The following ADGRF3 variants were observed in gnomAD, a reference collection of about 807,000 sequenced individuals.
The protein encoded by ADGRF3 is G protein-coupled receptor 113.
In ADGRF3, 85 loss-of-function variants were observed where a neutral mutation model predicts 93.2. The observed-to-expected ratio is 0.91, with a 90% CI of 0.77 to 1.09. ADGRF3 has a LOEUF of 1.09. Among genes scored for constraint, ADGRF3 ranks in the 50% least tolerant of loss-of-function variants. The pLI is 0.00. For missense variants in ADGRF3, 1,125 were observed against 1,246.2 expected (o/e 0.90, Z 1.46); for synonymous variants, 534 against 532.5 (o/e 1.00, Z -0.04).
Position 26,318,073 on chromosome 2 carries a change from A to G in ADGRF3, c.115-511T>C, listed in dbSNP as rs943184113. The stretch of plus-strand genomic sequence containing the variant: ...GCCCACATTGTCTGGCCCTTGGGCC[A>G]TCGGCCAAAGCTAGAAGATAGGGGG... On this transcript the variant is annotated intron_variant, in intron 1 of 13. Coordinates refer to ENST00000651242, the MANE Select transcript of ADGRF3 (RefSeq NM_001321971.2). The G allele has an allele frequency of 5.8e-6, 9 of 1,550,996 alleles. No individual in the cohort carries two copies. The highest frequency in any genetic ancestry group is 7.8e-6 in the Non-Finnish European group (9 of 1,146,722).
chr2:26,314,829 CTT>C (rs1171706474), intron 5 of ADGRF3: 1 of 585,816 alleles, frequency 1.7e-6, no homozygotes, highest in East Asian at 2.8e-5. Context: ...AGAGATCTCT[CTT>C]TTATCGGCCC....
chr2:26,315,463 G>A (rs757332994), intron 5 of ADGRF3, 59 bp downstream of exon 5: 9 of 1,505,348 alleles, frequency 6.0e-6, no homozygotes, highest in African/African-American at 1.4e-5. Context: ...GAAGGAAGAC[G>A]AGGATGAAGG....
intron 1 of ADGRF3, among the ~76,000 whole-genome samples, chr2:26,335,528 A>G (rs181393521): frequency 5.4e-4 from 82 of 152,262 alleles, no homozygotes; most frequent in African/African-American, 1.9e-3. Flanking sequence ...TCAGGTAACT[A>G]TATGTTTAAC....
chr2:26,317,399 C>T (rs1220074474), intron 2 of ADGRF3, 97 bp downstream of exon 2: 8 of 1,191,354 alleles, frequency 6.7e-6, no homozygotes, highest in Middle Eastern at 2.2e-4. Context: ...ACCACTCCCT[C>T]GCTGCACCTG....
Position 26,308,418 on chromosome 2 carries a change from C to G in ADGRF3, c.*668G>C, listed in dbSNP as rs1342397212. The G allele has an allele frequency of 6.6e-6, 1 of 151,932 alleles. No homozygotes were observed. The highest frequency in any genetic ancestry group is 2.4e-5 in the African/African-American group (1 of 41,378). The allele number at this position is 151,932 out of a possible 1,614,324, so 9.4% of individuals were successfully genotyped here. A position where few individuals can be genotyped will look rare whatever the true frequency, so the allele number is the denominator to read the frequency against. On this transcript the variant is annotated 3_prime_UTR_variant, in exon 14 of 14. Transcript: ENST00000651242. ...TATTCATTTTTAAATATAAATTAAA[C>G]TTTATTAATTGATATAAATTTATAT...
chr2:26,346,270 C>A lies in ADGRF3; in HGVS notation c.-36G>T. 6.2e-7 allele frequency: 1 copy of A among 1,613,560 alleles called. No homozygotes were observed. The highest frequency in any genetic ancestry group is 8.5e-7 in the Non-Finnish European group (1 of 1,179,568). ...GAATACGTGAGCCCGGAGCAGCTGGCTGGCTTTGATAAGTACAAGGTACCG... is the reference window on the plus strand; with the variant it reads ...GAATACGTGAGCCCGGAGCAGCTGGATGGCTTTGATAAGTACAAGGTACCG... On this transcript the variant is annotated 5_prime_UTR_variant, in exon 1 of 14. Transcript: ENST00000651242.
chr2:26,343,798 G>T (rs188383205), intron 1 of ADGRF3, among the ~76,000 whole-genome samples: 84 of 152,280 alleles, frequency 5.5e-4, no homozygotes, highest in African/African-American at 2.0e-3. Context: ...AGTTGTCTGA[G>T]ATTACACAGC....
chr2:26,319,112 G>A lies in ADGRF3; in HGVS notation c.115-1550C>T, dbSNP rs982159311. ...ATTTCCGCAAGGAAGAGCTGGCAGG[G>A]CAGTGTGCAGATGGGATGGGAGGGA... On this transcript the variant is annotated intron_variant, in intron 1 of 13. Coordinates refer to ENST00000651242, the MANE Select transcript of ADGRF3 (RefSeq NM_001321971.2). 8.0e-6 allele frequency: 12 copies of A among 1,506,508 alleles called. No homozygotes were observed. The African/African-American group carries it at 1.7e-4, about 21-fold the overall frequency. 93.3% of individuals were successfully genotyped at this position (1,506,508 alleles called of 1,614,324 possible).
rs746598796 is a variant in ADGRF3, at chr2:26,317,532, A to C, written c.145T>G (p.Ser49Ala). Reference protein sequence around the residue: ...GQSQAGGESGSGQLLDQENGA... With the variant: ...GQSQAGGESGAGQLLDQENGA... ...TTCTCTTGGTCCAGGAGCTGCCCAG[A>C]TCCAGATTCCCCTCCAGCCTGACTC... Residue 49 changes from serine to alanine, a missense_variant, in exon 2 of 14, where the codon TCT becomes GCT. By Grantham distance (99) the Ser-to-Ala change is moderately conservative (BLOSUM62 1). Transcript: ENST00000651242. 6.3e-6 allele frequency: 10 copies of C among 1,586,926 alleles called. No homozygotes were observed. Among genetic ancestry groups the C allele is most frequent in the Middle Eastern group, 1.7e-4 (1 of 6,056 alleles).
intron 1 of ADGRF3, among the ~76,000 whole-genome samples, chr2:26,327,675 T>C (rs1675510925): frequency 7.8e-6 from 1 of 127,560 alleles, no homozygotes; most frequent in Non-Finnish European, 1.5e-5. Context: ...AGATGGAAAT[T>C]CAAGAGAGCA....
intron 1 of ADGRF3, among the ~76,000 whole-genome samples, chr2:26,331,835 G>T (rs547391236): frequency 6.6e-6 from 1 of 151,614 alleles, no homozygotes; most frequent in African/African-American, 2.4e-5. Context: ...TTTTTAATCA[G>T]TTAGACTACC....
chr2:26,324,105 G>A (rs1675307363), intron 1 of ADGRF3, among the ~76,000 whole-genome samples: 1 of 152,124 alleles, frequency 6.6e-6, no homozygotes, highest in East Asian at 1.9e-4. Context: ...CAAAAAGTTA[G>A]CTGGGTGTGG....
At chr2:26,338,986 A>C (rs917205513) in intron 1 of ADGRF3, among the ~76,000 whole-genome samples, 1 of 151,562 alleles carries the variant, frequency 6.6e-6, no homozygotes, top group Non-Finnish European at 1.5e-5. Context: ...AAATACAAAA[A>C]TTGGTGGTGT....
intron 1 of ADGRF3, 64 bp from the exon 2 acceptor site, chr2:26,317,626 A>T: frequency 7.1e-7 from 1 of 1,415,894 alleles, no homozygotes; most frequent in Non-Finnish European, 9.8e-7. Context: ...GGCCAGCCTG[A>T]CTAGTCTCAG....
chr2:26,313,589 C>G lies in ADGRF3; in HGVS notation c.1073-16G>C, dbSNP rs1308723416. 1.3e-6 allele frequency: 2 copies of G among 1,595,890 alleles called. No homozygotes were observed. The highest frequency in any genetic ancestry group is 1.7e-6 in the Non-Finnish European group (2 of 1,173,154). ...ATGTCTCCATCTGAAGAATGACGAG[C>G]AGGCGCTACTCAGCAATCACAGCCT... On this transcript the variant is annotated splice_polypyrimidine_tract_variant and intron_variant, in intron 7 of 13. Transcript: ENST00000651242.
intron 1 of ADGRF3, among the ~76,000 whole-genome samples, chr2:26,344,822 G>A (rs561670556): frequency 1.3e-5 from 2 of 152,256 alleles, no homozygotes; most frequent in East Asian, 3.9e-4. Context: ...GTCAGTCCCT[G>A]TCTCAGGGGG....
At chr2:26,309,614 C>T (rs765883598) in intron 12 of ADGRF3, 33 bp from the exon 13 acceptor site, 2 of 1,606,984 alleles carry the variant, frequency 1.2e-6, no homozygotes, top group Non-Finnish European at 1.7e-6. Context: ...AATTGCAGGG[C>T]AGTTATTAGT....
At chr2:26,329,075 T>C (rs1261911740) in intron 1 of ADGRF3, among the ~76,000 whole-genome samples, 2 of 152,212 alleles carry the variant, frequency 1.3e-5, no homozygotes, top group Non-Finnish European at 2.9e-5. Flanking sequence ...AGGGTCCTTG[T>C]AAAAGGGAGA....
chr2:26,309,158 G>A, intron 13 of ADGRF3, 51 bp from the exon 14 acceptor site: 1 of 1,614,014 alleles, frequency 6.2e-7, no homozygotes, highest in Non-Finnish European at 8.5e-7. Flanking sequence ...AACTTCTGCA[G>A]GCTGCCCTCC....
Sources: allele counts gnomAD v4.1 joint callset (sites outside exome capture counted in the v4.1 genomes callset), GRCh38; gene constraint gnomAD v4.1.1; transcripts MANE v1.5; gene names NCBI Gene and HGNC (gene_info 2026-07-23, HGNC 2026-07-21).